Variants in DNAJC3 observed in about 807,000 individuals in gnomAD.
DNAJC3 encodes the protein dnaJ homolog subfamily C member 3.
DNAJC3 carries 38 observed loss-of-function variants against 68.6 expected under a neutral mutation model. The ratio of observed to expected loss-of-function variants is 0.55; its 90% CI spans 0.43 to 0.73. DNAJC3 has a LOEUF of 0.73. DNAJC3 is among the 30% of genes least tolerant of loss of function. The pLI, the probability that DNAJC3 is intolerant of heterozygous loss-of-function variation, is 0.00. For synonymous variants in DNAJC3, 203 were observed against 204.0 expected (o/e 1.00, Z 0.04); for missense variants, 526 against 591.9 (o/e 0.89, Z 1.16).
rs1416985696 is a variant in DNAJC3, at chr13:95,677,293, C to T, written c.38C>T (p.Ser13Leu). 4 of 1,600,870 alleles carry T rather than the reference C, an allele frequency of 2.5e-6. No individual in the cohort carries two copies. Among genetic ancestry groups the T allele is most frequent in the East Asian group, 2.3e-5 (1 of 43,098 alleles). ...APGSVTSRLG[S>L]VFPFLLVLVD... ...GGCTCCGTGACCAGCCGGCTGGGCT[C>T]GGTATTCCCCTTCCTGCTAGTCCTG... The change falls in exon 1 of 12, where the codon TCG becomes TTG. Residue 13 changes from serine to leucine, a missense_variant. Physicochemically the swap from Ser to Leu is moderately radical, Grantham distance 145 (BLOSUM62 -2). Coordinates refer to ENST00000602402, the MANE Select transcript of DNAJC3 (RefSeq NM_006260.5).
At chr13:95,769,054 C>G (rs1213759482) in intron 9 of DNAJC3, among the ~76,000 whole-genome samples, 1 of 150,360 alleles carries the variant, frequency 6.7e-6, no homozygotes, top group African/African-American at 2.4e-5. Flanking sequence ...ATCTATATAT[C>G]CCACCTCTGC....
At chr13:95,734,744 G>A (rs1344602382) in intron 4 of DNAJC3, among the ~76,000 whole-genome samples, 5 of 149,712 alleles carry the variant, frequency 3.3e-5, no homozygotes, top group Non-Finnish European at 5.9e-5. Flanking sequence ...TTTCTGATTG[G>A]CTTATTTCAA....
chr13:95,695,447 C>T (rs955779389), intron 1 of DNAJC3: 1 of 152,150 alleles, frequency 6.6e-6, no homozygotes, highest in African/African-American at 2.4e-5. Flanking sequence ...GGTGTACTGG[C>T]CCTTCTATTC....
intron 1 of DNAJC3, among the ~76,000 whole-genome samples, chr13:95,690,613 G>A (rs1282540772): frequency 6.7e-6 from 1 of 149,320 alleles, no homozygotes; most frequent in Admixed American, 6.6e-5. Context: ...CCAGGCGGGG[G>A]GCTGACCCCC....
chr13:95,712,611 C>G (rs1881008560), intron 2 of DNAJC3, among the ~76,000 whole-genome samples: 1 of 152,016 alleles, frequency 6.6e-6, no homozygotes, highest in Non-Finnish European at 1.5e-5. Flanking sequence ...TTCCTGACCT[C>G]AAGTCATCCA....
At chr13:95,742,380 A>G (rs1882172749) in intron 4 of DNAJC3, among the ~76,000 whole-genome samples, 1 of 152,180 alleles carries the variant, frequency 6.6e-6, no homozygotes, top group Non-Finnish European at 1.5e-5. Context: ...GTAGGTGCAT[A>G]GGACTTGGAA....
intron 7 of DNAJC3, 101 bp from the exon 8 acceptor site, chr13:95,763,542 T>C: frequency 9.1e-7 from 1 of 1,096,238 alleles, no homozygotes; most frequent in Non-Finnish European, 1.3e-6. Flanking sequence ...GCTCATCCAA[T>C]TGGATTGATT....
At chr13:95,690,886 T>C (rs1425357091) in intron 1 of DNAJC3, among the ~76,000 whole-genome samples, 10 of 111,406 alleles carry the variant, frequency 9.0e-5, no homozygotes, top group Admixed American at 3.7e-4. Context: ...CGCCCCTCAC[T>C]TCCCAGACGG....
chr13:95,752,176 A>G (rs116611647), intron 4 of DNAJC3, among the ~76,000 whole-genome samples: 1 of 152,156 alleles, frequency 6.6e-6, no homozygotes, highest in East Asian at 1.9e-4. Flanking sequence ...TGTCTAGGAC[A>G]GTGGTTCTTG....
intron 9 of DNAJC3, among the ~76,000 whole-genome samples, chr13:95,785,641 T>G (rs1262791259): frequency 6.6e-6 from 1 of 151,372 alleles, no homozygotes. Flanking sequence ...GTGTTTTTTT[T>G]TTTAGTAGAG....
In DNAJC3 at chr13:95,757,798, TA is replaced by T; in HGVS notation, c.546+4del. 1 of 1,535,304 alleles carries T rather than the reference TA, an allele frequency of 6.5e-7. No homozygotes were observed. On this transcript the variant is annotated splice_donor_region_variant and intron_variant, in intron 5 of 11. Transcript: ENST00000602402. Reference sequence around the variant, plus strand: ...GCCTTCCTTGATAAGATTTTAGAGGTAAGTTTCTTAGATACTGCAGTTGACC... The same window carrying T: ...GCCTTCCTTGATAAGATTTTAGAGGTAGTTTCTTAGATACTGCAGTTGACC...
At chr13:95,777,063 TTATAG>T (rs1883313018) in intron 9 of DNAJC3, among the ~76,000 whole-genome samples, 2 of 152,216 alleles carry the variant, frequency 1.3e-5, no homozygotes, top group Non-Finnish European at 2.9e-5. Flanking sequence ...TGAGTTCATC[TTATAG>T]TAGTTTCCTC....
At chr13:95,760,840 T>C in intron 7 of DNAJC3, 42 bp downstream of exon 7, 2 of 1,593,322 alleles carry the variant, frequency 1.3e-6, no homozygotes. Flanking sequence ...ATTCCTTATG[T>C]GCGGGGCTGT....
chr13:95,773,731 CTTTTTTTTTTT>C (rs143145399), intron 9 of DNAJC3, among the ~76,000 whole-genome samples: 2 of 71,336 alleles, frequency 2.8e-5, no homozygotes, highest in African/African-American at 5.7e-5. Flanking sequence ...TTTTGTTGGT[CTTTTTTTTTTT>C]TTTTTTTTTT....
At position 95,725,180 on chromosome 13, in the gene DNAJC3, A is replaced by T; in HGVS notation, c.321A>T (p.Ala107=). Reference sequence around the variant, plus strand: ...TCCTCTGCCCCCTTTTTTTCTAGGCAAGATTACAGAGAGGTCACTTATTAC... The same window carrying T: ...TCCTCTGCCCCCTTTTTTTCTAGGCTAGATTACAGAGAGGTCACTTATTAC... ...VIQLKMDFTA[A]RLQRGHLLLK... Residue 107 remains alanine, a splice_region_variant and synonymous_variant, in exon 4 of 12, where the codon GCA becomes GCT. Coordinates refer to ENST00000602402, the MANE Select transcript of DNAJC3 (RefSeq NM_006260.5). 1 of 1,557,764 alleles carries T rather than the reference A, an allele frequency of 6.4e-7. No homozygotes were observed. The highest frequency in any genetic ancestry group is 8.6e-7 in the Non-Finnish European group (1 of 1,158,372).
At chr13:95,710,518 A>C (rs557924594) in intron 2 of DNAJC3, among the ~76,000 whole-genome samples, 2 of 152,266 alleles carry the variant, frequency 1.3e-5, no homozygotes, top group Non-Finnish European at 2.9e-5. Flanking sequence ...TGCATGAGCC[A>C]CCACATCTGG....
chr13:95,689,904 G>T (rs1479981039), intron 1 of DNAJC3, among the ~76,000 whole-genome samples: 1 of 151,844 alleles, frequency 6.6e-6, no homozygotes, highest in East Asian at 1.9e-4. Context: ...GTTGTTTTCA[G>T]AGTTCCTTTT....
chr13:95,687,770 T>G (rs1367126857), intron 1 of DNAJC3, among the ~76,000 whole-genome samples: 1 of 152,194 alleles, frequency 6.6e-6, no homozygotes, highest in Non-Finnish European at 1.5e-5. Context: ...CTTTTTTGGT[T>G]TTATATGAAT....
At position 95,769,279 on chromosome 13, in the gene DNAJC3, T is replaced by C. The variant is rs184684887; in HGVS notation, c.1075+5326T>C. ...GGGCAACAGGCCTGCCTCCTGGGCATGAAAGAGACCATTCCCTCTAGCAGA... is the reference window on the plus strand; with the variant it reads ...GGGCAACAGGCCTGCCTCCTGGGCACGAAAGAGACCATTCCCTCTAGCAGA... On this transcript the variant is annotated intron_variant, in intron 9 of 11. Coordinates refer to ENST00000602402, the MANE Select transcript of DNAJC3 (RefSeq NM_006260.5). Among the ~76,000 whole-genome samples the C allele has an allele frequency of 6.3e-3, 963 of 152,286 alleles. 19 individuals carry two copies. Among genetic ancestry groups the C allele is most frequent in the Non-Finnish European group, 4.4e-3 (296 of 68,028 alleles).
Sources: gnomAD v4.1 joint callset for allele counts (sites outside exome capture counted in the v4.1 genomes callset) on GRCh38, gnomAD v4.1.1 for gene constraint, MANE v1.5 for transcripts, NCBI Gene and HGNC (gene_info 2026-07-23, HGNC 2026-07-21) for gene names.